TBC1D2B: variants seen among roughly 807,000 people sequenced by gnomAD.
The protein encoded by TBC1D2B is TBC1 domain family member 2B.
A neutral mutation model predicts 100.8 loss-of-function variants in TBC1D2B; 64 were observed. The ratio of observed to expected loss-of-function variants is 0.64; its 90% CI spans 0.52 to 0.78. TBC1D2B has a LOEUF of 0.78. TBC1D2B is among the 30% of genes least tolerant of loss of function. The pLI is 0.00. For synonymous variants in TBC1D2B, 480 were observed against 479.7 expected, an observed-to-expected ratio of 1.00 and a Z score of -0.01; for missense variants, 1,052 against 1,218.4, an observed-to-expected ratio of 0.86 and a Z score of 2.03.
At chr15:78,034,235 T>G (rs2072889330) in intron 3 of TBC1D2B, among the ~76,000 whole-genome samples, 2 of 152,248 alleles carry the variant, frequency 1.3e-5, no homozygotes, top group African/African-American at 4.8e-5. Flanking sequence ...TATAAAATTG[T>G]AGAGAAAACT....
chr15:78,003,326 A>G lies in TBC1D2B; in HGVS notation c.2553T>C (p.Ser851=). The G allele has an allele frequency of 6.2e-7, 1 of 1,613,850 alleles. No individual in the cohort carries two copies. The highest frequency in any genetic ancestry group is 8.5e-7 in the Non-Finnish European group (1 of 1,179,848). Residue 851 remains serine, a synonymous_variant, in exon 11 of 13, where the codon TCT becomes TCC. Coordinates refer to ENST00000300584, the MANE Select transcript of TBC1D2B (RefSeq NM_144572.2). ...TCACCTTTGGTCCTTCATAAAGGAA[A>G]GAGTCCCATATTTTAAAGAGGATGT... is the stretch of plus-strand genomic sequence containing the variant. ...VSDILFKIWD[S]FLYEGPKVIF...
intron 9 of TBC1D2B, among the ~76,000 whole-genome samples, chr15:78,011,408 C>T (rs1222575780): frequency 6.6e-6 from 1 of 152,006 alleles, no homozygotes; most frequent in Non-Finnish European, 1.5e-5. Flanking sequence ...CCAGCTCATG[C>T]ATGGCTTACA....
chr15:78,054,191 G>C lies in TBC1D2B; in HGVS notation c.361-4C>G. The C allele has an allele frequency of 6.2e-7, 1 of 1,608,522 alleles. No homozygotes were observed. Among genetic ancestry groups the C allele is most frequent in the Non-Finnish European group, 8.5e-7 (1 of 1,178,160 alleles). On this transcript the variant is annotated splice_region_variant and splice_polypyrimidine_tract_variant and intron_variant, in intron 1 of 12. Coordinates refer to ENST00000300584, the MANE Select transcript of TBC1D2B (RefSeq NM_144572.2). ...TCATGAGTTGACGATTGGGAGCCTAGAAAGAGGGAGGGGAAAAACATGTTA... is the reference window on the plus strand; with the variant it reads ...TCATGAGTTGACGATTGGGAGCCTACAAAGAGGGAGGGGAAAAACATGTTA...
intron 1 of TBC1D2B, among the ~76,000 whole-genome samples, chr15:78,072,068 C>G (rs561565638): frequency 1.3e-5 from 2 of 152,298 alleles, no homozygotes; most frequent in Non-Finnish European, 2.9e-5. Flanking sequence ...GAGTTAATTA[C>G]CTCCCAAAGG....
At chr15:78,001,972 A>G in intron 11 of TBC1D2B, 1 of 362,378 alleles carries the variant, frequency 2.8e-6, no homozygotes, top group Non-Finnish European at 5.0e-6. Context: ...AGCCCAAACC[A>G]AAAATCTCCT....
intron 6 of TBC1D2B, among the ~76,000 whole-genome samples, chr15:78,022,737 G>A (rs931307288): frequency 8.6e-5 from 13 of 151,840 alleles, no homozygotes; most frequent in African/African-American, 2.2e-4. Flanking sequence ...GTATAGAGAC[G>A]GGGGTTTCAC....
chr15:78,025,361 ACTGC>A lies in TBC1D2B; in HGVS notation c.980_983del (p.Gly327ValfsTer27). Reference sequence around the variant, plus strand: ...CCGGCTTCCTGATGCTGACGCTGCCACTGCCTGATGTGCCTTCACTTGAAGGGTC... The same window carrying A: ...CCGGCTTCCTGATGCTGACGCTGCCACTGATGTGCCTTCACTTGAAGGGTC... On this transcript the variant is annotated frameshift_variant, in exon 5 of 13. Coordinates refer to ENST00000300584, the MANE Select transcript of TBC1D2B (RefSeq NM_144572.2). LOFTEE classifies it high-confidence loss of function. 6.2e-7 allele frequency: 1 copy of A among 1,613,910 alleles called. No homozygotes were observed. The highest frequency in any genetic ancestry group is 8.5e-7 in the Non-Finnish European group (1 of 1,179,882).
intron 1 of TBC1D2B, among the ~76,000 whole-genome samples, chr15:78,055,409 C>T (rs369141011): frequency 2.0e-5 from 3 of 152,184 alleles, no homozygotes; most frequent in African/African-American, 7.2e-5. Flanking sequence ...CTCCAGGCTG[C>T]CCCCAGCAAA....
At chr15:78,045,860 C>A (rs182442152) in intron 2 of TBC1D2B, among the ~76,000 whole-genome samples, 67 of 152,158 alleles carry the variant, frequency 4.4e-4, no homozygotes, top group Middle Eastern at 3.4e-3. Context: ...TTATGTTATT[C>A]TTCGTATATG....
intron 3 of TBC1D2B, chr15:78,034,791 G>C: frequency 3.1e-6 from 3 of 962,982 alleles, no homozygotes; most frequent in Non-Finnish European, 3.7e-6. Flanking sequence ...TCTTGAAGCT[G>C]AAACAGTATA....
At chr15:78,014,395 A>T (rs1298387468) in intron 8 of TBC1D2B, among the ~76,000 whole-genome samples, 2 of 152,224 alleles carry the variant, frequency 1.3e-5, no homozygotes, top group Non-Finnish European at 2.9e-5. Flanking sequence ...AAGCAGAGTT[A>T]AAGGTATGTA....
chr15:78,033,351 A>G (rs2072863851), intron 3 of TBC1D2B, among the ~76,000 whole-genome samples: 1 of 152,250 alleles, frequency 6.6e-6, no homozygotes, highest in Admixed American at 6.5e-5. Flanking sequence ...ATACGAAAAC[A>G]CCAAACAATA....
rs149844338 is a variant in TBC1D2B at position 78,005,479 on chromosome 15, T to C, written c.2389-1989A>G. On this transcript the variant is annotated intron_variant, in intron 10 of 12. Coordinates refer to ENST00000300584, the MANE Select transcript of TBC1D2B (RefSeq NM_144572.2). ...AGGGTTGACAGCACACTCAAAGCTATCCGCATTTTAAGAGCCACCTTACGC... is the reference window on the plus strand; with the variant it reads ...AGGGTTGACAGCACACTCAAAGCTACCCGCATTTTAAGAGCCACCTTACGC... Among the ~76,000 whole-genome samples the C allele has an allele frequency of 2.6e-4, 39 of 152,284 alleles. No homozygotes were observed. The South Asian group carries it at 4.3e-3, about 17-fold the overall frequency.
chr15:78,054,285 T>G, intron 1 of TBC1D2B, 98 bp from the exon 2 acceptor site: 5 of 1,259,888 alleles, frequency 4.0e-6, no homozygotes, highest in Non-Finnish European at 5.2e-6. Context: ...GCTTGCCATG[T>G]GAGAGTTAAG....
chr15:78,058,847 C>T (rs1333486212), intron 1 of TBC1D2B, among the ~76,000 whole-genome samples: 4 of 152,158 alleles, frequency 2.6e-5, no homozygotes, highest in Admixed American at 6.5e-5. Flanking sequence ...AATTGGGAGC[C>T]GATGCCAGGC....
At chr15:78,044,516 G>A (rs945451340) in intron 3 of TBC1D2B, among the ~76,000 whole-genome samples, 7 of 152,202 alleles carry the variant, frequency 4.6e-5, no homozygotes, top group Admixed American at 2.6e-4. Context: ...AGCACAGGAC[G>A]TGGCCAGCCT....
At chr15:78,038,445 C>T (rs565131531) in intron 3 of TBC1D2B, among the ~76,000 whole-genome samples, 1 of 152,300 alleles carries the variant, frequency 6.6e-6, no homozygotes, top group South Asian at 2.1e-4. Flanking sequence ...GGAAGACATA[C>T]ACCTGAAGAA....
chr15:78,007,401 G>A (rs2072095947), intron 10 of TBC1D2B, among the ~76,000 whole-genome samples: 1 of 152,148 alleles, frequency 6.6e-6, no homozygotes, highest in South Asian at 2.1e-4. Flanking sequence ...GACAAAAAGG[G>A]GACACAGATG....
At chr15:78,076,412 T>C (rs1194942377) in intron 1 of TBC1D2B, among the ~76,000 whole-genome samples, 1 of 152,152 alleles carries the variant, frequency 6.6e-6, no homozygotes, top group Non-Finnish European at 1.5e-5. Context: ...GAGGAAAATG[T>C]AGTGGACTGT....
Sources: gnomAD v4.1 joint callset for allele counts (sites outside exome capture counted in the v4.1 genomes callset) on GRCh38, gnomAD v4.1.1 for gene constraint, MANE v1.5 for transcripts, NCBI Gene and HGNC (gene_info 2026-07-23, HGNC 2026-07-21) for gene names.